The following NFIB variants were observed in gnomAD, a reference collection of about 807,000 sequenced individuals.
The protein encoded by NFIB is nuclear factor I B.
Under a neutral mutation model 61.5 loss-of-function variants are expected in NFIB, and 11 were observed. That is an observed-to-expected ratio of 0.18 (90% CI 0.11 to 0.30). The LOEUF is 0.30. Among genes scored for constraint, NFIB ranks in the 10% least tolerant of loss-of-function variants. The pLI, the probability that NFIB is intolerant of heterozygous loss-of-function variation, is 1.00. For missense variants in NFIB, 471 were observed against 608.9 expected (o/e 0.77, Z 2.38); for synonymous variants, 260 against 216.5 (o/e 1.20, Z -1.76).
At chr9:14,324,670 C>A (rs1350524158) in intron 1 of NFIB, among the ~76,000 whole-genome samples, 1 of 152,112 alleles carries the variant, frequency 6.6e-6, no homozygotes, top group East Asian at 1.9e-4. Flanking sequence ...GTTTGTATCA[C>A]CTGTCAAAGA....
intron 3 of NFIB, among the ~76,000 whole-genome samples, chr9:14,164,933 T>C (rs942513023): frequency 2.0e-5 from 3 of 152,178 alleles, no homozygotes; most frequent in Non-Finnish European, 4.4e-5. Context: ...GGAATCACTA[T>C]GACACCACAT....
chr9:14,531,071 G>C, the NFIB span, among the ~76,000 whole-genome samples: 1 of 152,146 alleles, frequency 6.6e-6, no homozygotes, highest in African/African-American at 2.4e-5. Context: ...ACAGAAATCA[G>C]TATGTTGAAA....
intron 2 of NFIB, among the ~76,000 whole-genome samples, chr9:14,272,727 T>C (rs1242833375): frequency 6.6e-6 from 1 of 151,556 alleles, no homozygotes. Context: ...AAATTCTATC[T>C]TTTTATAAAA....
chr9:14,165,376 ATG>A (rs1196814814), intron 3 of NFIB, among the ~76,000 whole-genome samples: 1 of 152,194 alleles, frequency 6.6e-6, no homozygotes, highest in Non-Finnish European at 1.5e-5. Context: ...ACACAAGTAA[ATG>A]TGACTTCAAG....
At chr9:14,115,923 C>A (rs1041234231) in intron 9 of NFIB, among the ~76,000 whole-genome samples, 3 of 152,200 alleles carry the variant, frequency 2.0e-5, no homozygotes, top group Non-Finnish European at 2.9e-5. Flanking sequence ...CTTGAACAAG[C>A]AGGCATGACT....
At chr9:14,394,532 C>A (rs183449010) in intron 1 of NFIB, among the ~76,000 whole-genome samples, 10 of 152,130 alleles carry the variant, frequency 6.6e-5, no homozygotes, top group South Asian at 2.1e-4. Flanking sequence ...AACCATCAGA[C>A]CTTGGGAGAC....
intron 2 of NFIB, among the ~76,000 whole-genome samples, chr9:14,297,013 T>G (rs1312867954): frequency 6.6e-6 from 1 of 152,210 alleles, no homozygotes; most frequent in South Asian, 2.1e-4. Context: ...AACACGTGTG[T>G]GCATGCGCAC....
At chr9:14,289,901 C>T (rs1473754404) in intron 2 of NFIB, among the ~76,000 whole-genome samples, 1 of 151,988 alleles carries the variant, frequency 6.6e-6, no homozygotes, top group Non-Finnish European at 1.5e-5. Context: ...CCATTCCAGA[C>T]CATGAAAATG....
the NFIB span, among the ~76,000 whole-genome samples, chr9:14,527,927 C>T: frequency 1.4e-4 from 21 of 151,948 alleles, no homozygotes; most frequent in South Asian, 4.2e-4. Flanking sequence ...AGTCTAGCTG[C>T]GGTTATTAGG....
chr9:14,322,076 TAAAAAAAAAAAAAAAAA>T (rs3081606), intron 1 of NFIB: 307 of 1,111,618 alleles, frequency 2.8e-4, no homozygotes, highest in Non-Finnish European at 3.3e-4. Flanking sequence ...TGTGTTTAGT[TAAAAAAAAAAAAAAAAA>T]AAAAAAAAAG....
intron 9 of NFIB, among the ~76,000 whole-genome samples, chr9:14,114,454 G>GT (rs1478160346): frequency 6.6e-6 from 1 of 152,104 alleles, no homozygotes; most frequent in South Asian, 2.1e-4. Flanking sequence ...TCAATGACCA[G>GT]TTTTTTATTA....
chr9:14,197,833 CTA>C (rs1262924392), intron 2 of NFIB, among the ~76,000 whole-genome samples: 1 of 152,166 alleles, frequency 6.6e-6, no homozygotes, highest in East Asian at 1.9e-4. Context: ...GGTCCTCACT[CTA>C]CGAATGCTAC....
At chr9:14,286,734 G>A (rs2058731379) in intron 2 of NFIB, among the ~76,000 whole-genome samples, 1 of 152,138 alleles carries the variant, frequency 6.6e-6, no homozygotes, top group Non-Finnish European at 1.5e-5. Flanking sequence ...TTTAGGACCT[G>A]GCAGAGTGCC....
intron 2 of NFIB, among the ~76,000 whole-genome samples, chr9:14,211,096 T>C (rs934446051): frequency 6.6e-6 from 1 of 152,222 alleles, no homozygotes; most frequent in Non-Finnish European, 1.5e-5. Context: ...ATTTGTACAA[T>C]GTTAAGTATC....
chr9:14,233,741 T>C (rs1440422572), intron 2 of NFIB, among the ~76,000 whole-genome samples: 1 of 152,218 alleles, frequency 6.6e-6, no homozygotes, highest in Non-Finnish European at 1.5e-5. Flanking sequence ...TGTTTTGCTA[T>C]TATTCTTTAA....
intron 1 of NFIB, among the ~76,000 whole-genome samples, chr9:14,324,330 T>G (rs1482774774): frequency 6.6e-6 from 1 of 152,078 alleles, no homozygotes; most frequent in East Asian, 1.9e-4. Flanking sequence ...AATAAAAAAT[T>G]TATTTAGAGT....
At chr9:14,360,509 G>A (rs117298666) in intron 1 of NFIB, among the ~76,000 whole-genome samples, 2,310 of 151,498 alleles carry the variant, frequency 0.015, 20 homozygotes, top group South Asian at 0.034. Flanking sequence ...TGAATGATTT[G>A]GGTGGAAAAA....
intron 2 of NFIB, among the ~76,000 whole-genome samples, chr9:14,296,781 C>T (rs2059471275): frequency 6.6e-6 from 1 of 152,184 alleles, no homozygotes; most frequent in African/African-American, 2.4e-5. Flanking sequence ...TTATAGTAGC[C>T]TGAACTAAGA....
rs113651554 is a variant in NFIB at position 14,364,920 on chromosome 9, T to C, written c.108+33604A>G. 1.6e-4 allele frequency among the ~76,000 whole-genome samples: 25 copies of C among 152,322 alleles called. 1 individual carries two copies. Among genetic ancestry groups the C allele is most frequent in the African/African-American group, 5.1e-4 (21 of 41,572 alleles). Reference sequence around the variant, plus strand: ...CAAGACAGCAGGGTGATTTAAGAGTTCTTGGTAATCTAACAGCAATTCCAC... The same window carrying C: ...CAAGACAGCAGGGTGATTTAAGAGTCCTTGGTAATCTAACAGCAATTCCAC... On this transcript the variant is annotated intron_variant, in intron 1 of 8. Transcript: ENST00000380934.
Sources: allele counts gnomAD v4.1 joint callset (sites outside exome capture counted in the v4.1 genomes callset), GRCh38; gene constraint gnomAD v4.1.1; transcripts MANE v1.5; gene names NCBI Gene and HGNC (gene_info 2026-07-23, HGNC 2026-07-21).